Variants in DISC1 observed in about 807,000 individuals in gnomAD.
DISC1 encodes the protein disrupted in schizophrenia 1 protein.
Under a neutral mutation model 84.5 loss-of-function variants are expected in DISC1, and 57 were observed. That is an observed-to-expected ratio of 0.67 (90% CI 0.55 to 0.84). DISC1 has a LOEUF of 0.84. DISC1 is among the 40% of genes least tolerant of loss of function. DISC1 has a pLI of 0.00. For synonymous variants in DISC1, 411 were observed against 415.2 expected (o/e 0.99, Z 0.12); for missense variants, 1,000 against 1,057.8 (o/e 0.95, Z 0.76).
At chr1:231,773,997 T>G (rs1375765771) in intron 6 of DISC1, among the ~76,000 whole-genome samples, 2 of 151,740 alleles carry the variant, frequency 1.3e-5, no homozygotes, top group African/African-American at 4.8e-5. Context: ...GAACAGTGGC[T>G]CACACCTATA....
chr1:231,722,152 A>G (rs2069854262), intron 3 of DISC1, among the ~76,000 whole-genome samples: 2 of 130,560 alleles, frequency 1.5e-5, no homozygotes, highest in South Asian at 4.6e-4. Context: ...ACTCCATCTC[A>G]AAAAAAAAAA....
chr1:231,936,550 G>A (rs895605341), intron 9 of DISC1, among the ~76,000 whole-genome samples: 1 of 152,160 alleles, frequency 6.6e-6, no homozygotes, highest in Non-Finnish European at 1.5e-5. Flanking sequence ...ATGTCATGAA[G>A]AGTTGCATAA....
intron 1 of DISC1, among the ~76,000 whole-genome samples, chr1:231,650,825 C>A (rs1028652392): frequency 3.9e-5 from 6 of 152,180 alleles, no homozygotes; most frequent in African/African-American, 9.7e-5. Context: ...TCTTCAGTCG[C>A]TGATACCCTT....
At chr1:231,873,777 G>A (rs1277361784) in intron 9 of DISC1, among the ~76,000 whole-genome samples, 4 of 152,166 alleles carry the variant, frequency 2.6e-5, no homozygotes, top group Non-Finnish European at 4.4e-5. Flanking sequence ...TGTCAGAGGG[G>A]TTCTGTGTGG....
chr1:232,033,008 C>G (rs1193321373), intron 12 of DISC1, among the ~76,000 whole-genome samples: 1 of 152,016 alleles, frequency 6.6e-6, no homozygotes, highest in East Asian at 1.9e-4. Context: ...TTGTAAAACA[C>G]TTTTTTTTAA....
At chr1:231,823,846 G>A (rs2081667422) in intron 9 of DISC1, among the ~76,000 whole-genome samples, 1 of 151,958 alleles carries the variant, frequency 6.6e-6, no homozygotes, top group African/African-American at 2.4e-5. Context: ...AGGAGAGACT[G>A]AAACCACATA....
In DISC1 at chr1:231,804,547, T is replaced by G. The variant is rs915634124; in HGVS notation, c.1792+4337T>G. ...ATCATAGTTGACTGCAGCCTTGAAT[T>G]CCTAGGCTCAAGCCATCCTTAGCCT... On this transcript the variant is annotated intron_variant, in intron 8 of 12. Coordinates refer to ENST00000439617, the MANE Select transcript of DISC1 (RefSeq NM_018662.3). Among the ~76,000 whole-genome samples the G allele has an allele frequency of 9.2e-5, 14 of 151,934 alleles. 1 individual carries two copies. In the South Asian group the frequency reaches 1.9e-3, roughly 20 times the overall value.
intron 9 of DISC1, among the ~76,000 whole-genome samples, chr1:231,867,250 T>C (rs2085126858): frequency 6.6e-6 from 1 of 152,226 alleles, no homozygotes; most frequent in African/African-American, 2.4e-5. Context: ...TTCACATGTC[T>C]GGTTAGCTAT....
chr1:231,695,146 G>A (rs1019345975), intron 2 of DISC1, among the ~76,000 whole-genome samples: 3 of 152,328 alleles, frequency 2.0e-5, no homozygotes. Context: ...ATTGAGCTGG[G>A]TGATGTTTGG....
chr1:231,856,082 C>T (rs149734665), intron 9 of DISC1, among the ~76,000 whole-genome samples: 94 of 152,264 alleles, frequency 6.2e-4, no homozygotes, highest in Non-Finnish European at 8.5e-4. Context: ...AAATGTTTGT[C>T]AAGCTGTGTG....
chr1:231,818,602 G>A (rs1212449100), intron 9 of DISC1, 85 bp downstream of exon 9: 2 of 1,579,250 alleles, frequency 1.3e-6, no homozygotes, highest in African/African-American at 2.7e-5. Flanking sequence ...TGTGCCTTAT[G>A]TGAACGTCAC....
chr1:231,970,218 A>G (rs1258708705), intron 10 of DISC1, among the ~76,000 whole-genome samples: 2 of 152,228 alleles, frequency 1.3e-5, no homozygotes, highest in Non-Finnish European at 2.9e-5. Context: ...TCCCACCAAC[A>G]GTGTAAAAGT....
intron 9 of DISC1, among the ~76,000 whole-genome samples, chr1:231,850,837 C>A (rs550642317): frequency 6.6e-6 from 1 of 152,020 alleles, no homozygotes; most frequent in African/African-American, 2.4e-5. Context: ...TGGGAAAGTC[C>A]GACGCTCTGG....
At chr1:231,644,226 C>G (rs2059953749) in intron 1 of DISC1, among the ~76,000 whole-genome samples, 1 of 152,138 alleles carries the variant, frequency 6.6e-6, no homozygotes, top group Non-Finnish European at 1.5e-5. Context: ...AAGGCAAGGA[C>G]TATAACCCCC....
At chr1:231,648,899 G>A (rs977977108) in intron 1 of DISC1, among the ~76,000 whole-genome samples, 1 of 152,140 alleles carries the variant, frequency 6.6e-6, no homozygotes, top group African/African-American at 2.4e-5. Flanking sequence ...GGGATCAGTG[G>A]TGATATCCCC....
chr1:231,728,714 A>G (rs1387219133), intron 3 of DISC1, among the ~76,000 whole-genome samples: 1 of 152,184 alleles, frequency 6.6e-6, no homozygotes, highest in Non-Finnish European at 1.5e-5. Flanking sequence ...AAATGTTCCC[A>G]TTTAACGAAA....
At chr1:231,889,226 G>T (rs564810095) in intron 9 of DISC1, among the ~76,000 whole-genome samples, 1 of 152,226 alleles carries the variant, frequency 6.6e-6, no homozygotes, top group Admixed American at 6.5e-5. Context: ...CAGCCTCACT[G>T]TCCCCATATC....
intron 1 of DISC1, among the ~76,000 whole-genome samples, chr1:231,654,590 G>C (rs1158131306): frequency 2.0e-5 from 3 of 152,032 alleles, no homozygotes; most frequent in Non-Finnish European, 2.9e-5. Flanking sequence ...CTGAAGCTTT[G>C]TATACTTTGA....
intron 9 of DISC1, among the ~76,000 whole-genome samples, chr1:231,860,061 C>T (rs1226817218): frequency 1.3e-5 from 2 of 152,122 alleles, no homozygotes; most frequent in African/African-American, 4.8e-5. Context: ...AGATCTTGTA[C>T]CACAGAAAAT....
Sources: allele counts gnomAD v4.1 joint callset (sites outside exome capture counted in the v4.1 genomes callset), GRCh38; gene constraint gnomAD v4.1.1; transcripts MANE v1.5; gene names NCBI Gene and HGNC (gene_info 2026-07-23, HGNC 2026-07-21).